The following PTPRD variants were observed in gnomAD, a reference collection of about 807,000 sequenced individuals.
PTPRD encodes receptor-type tyrosine-protein phosphatase delta.
PTPRD carries 34 observed loss-of-function variants against 214.5 expected under a neutral mutation model. The observed-to-expected ratio is 0.16, with a 90% CI of 0.12 to 0.21. PTPRD has a LOEUF of 0.21. PTPRD is among the 10% of genes least tolerant of loss of function. PTPRD has a pLI of 1.00. For synonymous variants in PTPRD, 1,128 were observed against 845.7 expected (o/e 1.33, Z -5.79); for missense variants, 2,545 against 2,398.7 (o/e 1.06, Z -1.27).
chr9:9,169,274 C>T (rs897995181), intron 10 of PTPRD, among the ~76,000 whole-genome samples: 3 of 151,994 alleles, frequency 2.0e-5, no homozygotes, highest in African/African-American at 2.4e-5. Context: ...GGTCATACTA[C>T]AAAAATGTCT....
chr9:8,894,046 A>G (rs1374752693), intron 11 of PTPRD, among the ~76,000 whole-genome samples: 1 of 152,138 alleles, frequency 6.6e-6, no homozygotes, highest in Non-Finnish European at 1.5e-5. Context: ...ATGGAATATC[A>G]GGCAGCAATA....
intron 34 of PTPRD, among the ~76,000 whole-genome samples, chr9:8,449,114 A>C (rs767874905): frequency 2.6e-5 from 4 of 152,152 alleles, no homozygotes; most frequent in Non-Finnish European, 5.9e-5. Flanking sequence ...TGAAGCACTT[A>C]ATGTTCTTTA....
chr9:10,114,785 CAT>C (rs919469511), intron 3 of PTPRD, among the ~76,000 whole-genome samples: 1 of 151,910 alleles, frequency 6.6e-6, no homozygotes, highest in African/African-American at 2.4e-5. Flanking sequence ...ATTTTAGCAA[CAT>C]GTTTTTAATA....
chr9:10,060,803 CCTTTCTTT>C (rs796867777), intron 3 of PTPRD, among the ~76,000 whole-genome samples: 13 of 103,254 alleles, frequency 1.3e-4, no homozygotes, highest in East Asian at 2.8e-4. Flanking sequence ...TTTCTTTCTT[CCTTTCTTT>C]CTTTCTTTCT....
At chr9:8,638,493 T>C (rs914238515) in intron 12 of PTPRD, among the ~76,000 whole-genome samples, 6 of 152,224 alleles carry the variant, frequency 3.9e-5, no homozygotes, top group African/African-American at 1.4e-4. Flanking sequence ...AATACATTAA[T>C]TTACAAAAAT....
In PTPRD at chr9:8,552,394, CAT is replaced by C. The variant is rs146927680; in HGVS notation, c.353-23617_353-23616del. Among the ~76,000 whole-genome samples, 3 of 152,252 alleles carry C rather than the reference CAT, an allele frequency of 2.0e-5. No homozygotes were observed. In the East Asian group the frequency reaches 5.8e-4, roughly 29 times the overall value. On this transcript the variant is annotated intron_variant, in intron 14 of 45. Coordinates refer to ENST00000381196, the MANE Select transcript of PTPRD (RefSeq NM_002839.4). Reference sequence around the variant, plus strand: ...TGAGAGAGTTTTTGACAGAGTATGACATGTGTTTTTGGATTTGGTATCCACTT... The same window carrying C: ...TGAGAGAGTTTTTGACAGAGTATGACGTGTTTTTGGATTTGGTATCCACTT...
chr9:8,932,517 G>C (rs1424805889), intron 11 of PTPRD, among the ~76,000 whole-genome samples: 2 of 152,182 alleles, frequency 1.3e-5, no homozygotes, highest in Non-Finnish European at 2.9e-5. Context: ...ATGGGAGTTT[G>C]ATCCATAAGT....
chr9:8,984,736 G>A (rs1399129503), intron 11 of PTPRD, among the ~76,000 whole-genome samples: 1 of 152,066 alleles, frequency 6.6e-6, no homozygotes, highest in East Asian at 1.9e-4. Flanking sequence ...GGTCCTTTAT[G>A]TAGTAGCCCA....
chr9:9,790,936 A>C (rs773061466), intron 5 of PTPRD, among the ~76,000 whole-genome samples: 1 of 152,210 alleles, frequency 6.6e-6, no homozygotes. Context: ...TTCAGTTTGA[A>C]CAGGTCCTAT....
chr9:8,541,102 A>C (rs1465191186), intron 14 of PTPRD, among the ~76,000 whole-genome samples: 1 of 152,216 alleles, frequency 6.6e-6, no homozygotes, highest in Non-Finnish European at 1.5e-5. Context: ...GTTAAAGATA[A>C]CTTATATGTC....
intron 3 of PTPRD, among the ~76,000 whole-genome samples, chr9:10,189,210 T>A (rs541864150): frequency 6.6e-6 from 1 of 152,248 alleles, no homozygotes; most frequent in East Asian, 1.9e-4. Flanking sequence ...TGGTCCCATC[T>A]AGGAAAGGTC....
intron 10 of PTPRD, among the ~76,000 whole-genome samples, chr9:9,157,975 G>A (rs1037668743): frequency 6.6e-6 from 1 of 152,148 alleles, no homozygotes; most frequent in African/African-American, 2.4e-5. Context: ...GTAGTGTTCG[G>A]TTTTCTGTTC....
At chr9:9,749,073 G>T (rs959030835) in intron 6 of PTPRD, among the ~76,000 whole-genome samples, 1 of 152,042 alleles carries the variant, frequency 6.6e-6, no homozygotes, top group Non-Finnish European at 1.5e-5. Context: ...GTCTCCATTA[G>T]AACAATCCAC....
intron 7 of PTPRD, among the ~76,000 whole-genome samples, chr9:9,639,460 T>G (rs543465125): frequency 6.6e-6 from 1 of 152,196 alleles, no homozygotes; most frequent in African/African-American, 2.4e-5. Flanking sequence ...AAAGGCATAG[T>G]TTCACTCTGG....
intron 5 of PTPRD, among the ~76,000 whole-genome samples, chr9:9,836,516 A>G (rs2056803864): frequency 6.6e-6 from 1 of 152,132 alleles, no homozygotes; most frequent in African/African-American, 2.4e-5. Context: ...AAATTTGCCA[A>G]TAATAGATAT....
chr9:9,460,536 T>A (rs10816131), intron 8 of PTPRD, among the ~76,000 whole-genome samples: 1 of 151,880 alleles, frequency 6.6e-6, no homozygotes, highest in Non-Finnish European at 1.5e-5. Flanking sequence ...GAACAGACAC[T>A]TCTCAAAAGG....
intron 14 of PTPRD, among the ~76,000 whole-genome samples, chr9:8,617,004 C>T (rs1328708321): frequency 2.0e-5 from 3 of 152,110 alleles, no homozygotes; most frequent in Non-Finnish European, 4.4e-5. Flanking sequence ...TTTATTCGAA[C>T]ACCCCTGTGA....
intron 2 of PTPRD, among the ~76,000 whole-genome samples, chr9:10,345,281 A>C (rs1362572154): frequency 2.6e-5 from 4 of 152,000 alleles, no homozygotes; most frequent in Non-Finnish European, 4.4e-5. Flanking sequence ...TCTTTTTTTA[A>C]ATTTTGTTAT....
chr9:9,056,561 G>T (rs569932982), intron 10 of PTPRD, among the ~76,000 whole-genome samples: 30 of 152,278 alleles, frequency 2.0e-4, no homozygotes, highest in African/African-American at 7.0e-4. Context: ...GACGTTGATG[G>T]TAAATTTGTG....
Sources: gnomAD v4.1 joint callset for allele counts (sites outside exome capture counted in the v4.1 genomes callset) on GRCh38, gnomAD v4.1.1 for gene constraint, MANE v1.5 for transcripts, NCBI Gene and HGNC (gene_info 2026-07-23, HGNC 2026-07-21) for gene names.